The following LARGE1 variants were observed in gnomAD, a reference collection of about 807,000 sequenced individuals.
LARGE1 encodes LARGE xylosyl- and glucuronyltransferase 1.
In LARGE1, 43 loss-of-function variants were observed where a neutral mutation model predicts 87.6. The observed-to-expected ratio is 0.49, with a 90% CI of 0.38 to 0.63. The LOEUF (loss-of-function observed/expected upper bound fraction) is 0.63. Among genes scored for constraint, LARGE1 ranks in the 30% least tolerant of loss-of-function variants. The pLI, the probability that LARGE1 is intolerant of heterozygous loss-of-function variation, is 0.00. For missense variants in LARGE1, 802 were observed against 1,000.2 expected (o/e 0.80, Z 2.67); for synonymous variants, 434 against 394.6 (o/e 1.10, Z -1.18).
At chr22:33,158,598 T>C (rs73881973), downstream of LARGE1, among the ~76,000 whole-genome samples, 2,656 of 152,280 alleles carry the variant, frequency 0.017, 79 homozygotes, top group African/African-American at 0.059. Context: ...TATCAGGATA[T>C]TCAGAATATA....
intron 11 of LARGE1, among the ~76,000 whole-genome samples, chr22:33,171,234 G>A (rs899277242): frequency 5.9e-5 from 9 of 152,152 alleles, no homozygotes; most frequent in African/African-American, 2.2e-4. Flanking sequence ...ATGGGTTCAC[G>A]AAGAGATGGT....
intron 1 of LARGE1, among the ~76,000 whole-genome samples, chr22:33,906,478 C>T (rs188820823): frequency 1.3e-5 from 2 of 152,340 alleles, no homozygotes; most frequent in East Asian, 3.9e-4. Flanking sequence ...CAAATAACCT[C>T]TCCAAGCCTC....
At chr22:33,882,038 T>G (rs1238518123) in intron 1 of LARGE1, among the ~76,000 whole-genome samples, 2 of 148,558 alleles carry the variant, frequency 1.3e-5, no homozygotes, top group Non-Finnish European at 3.0e-5. Context: ...TGTTTTTGTT[T>G]TTTTTTGTTT....
the LARGE1 span, among the ~76,000 whole-genome samples, chr22:33,088,669 C>T: frequency 6.6e-6 from 1 of 152,184 alleles, no homozygotes; most frequent in Non-Finnish European, 1.5e-5. Flanking sequence ...AATCCAGACA[C>T]TAGTACTTAA....
At chr22:33,709,841 G>A (rs1489871781) in intron 2 of LARGE1, among the ~76,000 whole-genome samples, 6 of 151,674 alleles carry the variant, frequency 4.0e-5, no homozygotes, top group Non-Finnish European at 7.4e-5. Flanking sequence ...TAGCCAGGCT[G>A]GTCTCAAACT....
chr22:33,096,439 T>C, the LARGE1 span, among the ~76,000 whole-genome samples: 1 of 150,280 alleles, frequency 6.7e-6, no homozygotes, highest in African/African-American at 2.5e-5. Context: ...AAAAAGGATA[T>C]AATACCCAAT....
chr22:33,210,847 C>A (rs1398933819), intron 11 of LARGE1, among the ~76,000 whole-genome samples: 2 of 152,376 alleles, frequency 1.3e-5, no homozygotes, highest in Middle Eastern at 3.4e-3. Flanking sequence ...GCGGCTCCCC[C>A]AAAATGTGGG....
chr22:33,659,300 C>T (rs1373646705), intron 2 of LARGE1, among the ~76,000 whole-genome samples: 2 of 152,126 alleles, frequency 1.3e-5, no homozygotes, highest in Non-Finnish European at 2.9e-5. Context: ...AGATTTCACA[C>T]CCTCATTCAA....
intron 1 of LARGE1, among the ~76,000 whole-genome samples, chr22:33,875,031 A>G (rs2064420204): frequency 6.6e-6 from 1 of 152,222 alleles, no homozygotes; most frequent in Admixed American, 6.5e-5. Context: ...CCAGAGATAC[A>G]CCACTCCATC....
At chr22:33,757,420 C>T (rs2084558442) in intron 2 of LARGE1, among the ~76,000 whole-genome samples, 2 of 152,268 alleles carry the variant, frequency 1.3e-5, no homozygotes, top group African/African-American at 4.8e-5. Flanking sequence ...TAAGTGCACT[C>T]GACAACTTCA....
At chr22:33,905,425 T>A (rs1488569756) in intron 1 of LARGE1, among the ~76,000 whole-genome samples, 3 of 152,120 alleles carry the variant, frequency 2.0e-5, no homozygotes, top group African/African-American at 7.2e-5. Context: ...TAGGCTGACA[T>A]AAAGTTTTCA....
chr22:33,921,325 A>G (rs1021118402), upstream of LARGE1, among the ~76,000 whole-genome samples: 4 of 152,026 alleles, frequency 2.6e-5, no homozygotes, highest in East Asian at 7.8e-4. The surrounding 1 kb of genome is among the most constrained non-coding windows in gnomAD (Gnocchi z 4.1). Flanking sequence ...TCTTCCCCCA[A>G]CCCCGGCGGC....
chr22:33,229,981 C>T (rs1925921870), intron 11 of LARGE1, among the ~76,000 whole-genome samples: 1 of 140,890 alleles, frequency 7.1e-6, no homozygotes, highest in South Asian at 2.3e-4. Flanking sequence ...TATGGAGTGA[C>T]ATTTTCAAAC....
intron 13 of LARGE1, among the ~76,000 whole-genome samples, chr22:33,281,947 T>C (rs1347875168): frequency 6.6e-6 from 1 of 152,266 alleles, no homozygotes; most frequent in East Asian, 1.9e-4. Flanking sequence ...TTATTAAGAC[T>C]ATAATGTTTT....
chr22:33,115,721 G>A, the LARGE1 span, among the ~76,000 whole-genome samples: 1 of 151,288 alleles, frequency 6.6e-6, no homozygotes, highest in African/African-American at 2.4e-5. Flanking sequence ...GGGACGCTGA[G>A]GCAGAAAAAT....
chr22:33,215,819 G>A (rs1404940480), intron 11 of LARGE1, among the ~76,000 whole-genome samples: 1 of 152,182 alleles, frequency 6.6e-6, no homozygotes, highest in Non-Finnish European at 1.5e-5. Context: ...AGCCAGGTGT[G>A]GTGGCGCATG....
chr22:33,494,016 A>G (rs2069982886), intron 6 of LARGE1, among the ~76,000 whole-genome samples: 1 of 152,264 alleles, frequency 6.6e-6, no homozygotes, highest in Non-Finnish European at 1.5e-5. Context: ...TACTTTGTGC[A>G]AGGCGATGCC....
chr22:33,498,133 C>T (rs1210483784), intron 6 of LARGE1, among the ~76,000 whole-genome samples: 2 of 152,148 alleles, frequency 1.3e-5, no homozygotes, highest in Non-Finnish European at 2.9e-5. Flanking sequence ...GATCCATCCA[C>T]CTCGGCCTCC....
intron 11 of LARGE1, among the ~76,000 whole-genome samples, chr22:33,257,252 G>C (rs1927344813): frequency 6.6e-6 from 1 of 152,030 alleles, no homozygotes; most frequent in Non-Finnish European, 1.5e-5. Context: ...ACAGGTGAAG[G>C]CTGGGCACTG....
Sources: allele counts gnomAD v4.1 joint callset (sites outside exome capture counted in the v4.1 genomes callset), GRCh38; gene constraint gnomAD v4.1.1; non-coding constraint Gnocchi (gnomAD v3.1); transcripts MANE v1.5; gene names NCBI Gene and HGNC (gene_info 2026-07-23, HGNC 2026-07-21).